Variants in NME7 observed in about 807,000 individuals in gnomAD.
The protein encoded by NME7 is NME/NM23 family member 7.
Under a neutral mutation model 49.1 loss-of-function variants are expected in NME7, and 41 were observed. That is an observed-to-expected ratio of 0.83 (90% CI 0.65 to 1.08). NME7 has a LOEUF of 1.08. Among genes scored for constraint, NME7 ranks in the 50% least tolerant of loss-of-function variants. The probability of loss-of-function intolerance (pLI) is 0.00; values close to 1 mark genes in which losing one functional copy is unlikely to be tolerated. For missense variants in NME7, 423 were observed against 463.4 expected (o/e 0.91, Z 0.80); for synonymous variants, 139 against 150.6 (o/e 0.92, Z 0.56).
chr1:169,213,842 T>C (rs1660900711), intron 10 of NME7, among the ~76,000 whole-genome samples: 2 of 151,106 alleles, frequency 1.3e-5, no homozygotes, highest in African/African-American at 4.8e-5. Flanking sequence ...TATATATATA[T>C]ATACACACAA....
chr1:169,303,131 A>C lies in NME7; in HGVS notation c.440+14T>G. The C allele has an allele frequency of 6.5e-7, 1 of 1,549,364 alleles. No individual in the cohort carries two copies. Reference sequence around the variant, plus strand: ...CTCCTTTACATACCACTAATCCCCAAATTAAGGACCTACTTGAAAAAGGGT... The same window carrying C: ...CTCCTTTACATACCACTAATCCCCACATTAAGGACCTACTTGAAAAAGGGT... On this transcript the variant is annotated intron_variant, in intron 5 of 11. Transcript: ENST00000367811.
intron 7 of NME7, among the ~76,000 whole-genome samples, chr1:169,242,098 A>G (rs1322242990): frequency 1.3e-5 from 2 of 152,044 alleles, no homozygotes; most frequent in South Asian, 2.1e-4. Flanking sequence ...TAAACATAAA[A>G]ATTATTTCCA....
chr1:169,239,514 T>C (rs1412468201), intron 7 of NME7, among the ~76,000 whole-genome samples: 1 of 152,022 alleles, frequency 6.6e-6, no homozygotes, highest in Admixed American at 6.6e-5. Context: ...GACACTGAAT[T>C]ATTTTGGACA....
At chr1:169,315,586 A>C (rs1423351326) in intron 3 of NME7, among the ~76,000 whole-genome samples, 1 of 152,104 alleles carries the variant, frequency 6.6e-6, no homozygotes, top group Non-Finnish European at 1.5e-5. Flanking sequence ...TTTCTAACAC[A>C]CATAGATCAT....
intron 10 of NME7, among the ~76,000 whole-genome samples, chr1:169,197,518 G>T (rs1232666428): frequency 2.0e-5 from 3 of 152,094 alleles, no homozygotes; most frequent in African/African-American, 7.2e-5. Context: ...TAGACATATG[G>T]ATTAATGGAA....
chr1:169,227,910 T>G (rs1187270958), intron 10 of NME7, among the ~76,000 whole-genome samples: 1 of 152,102 alleles, frequency 6.6e-6, no homozygotes, highest in Non-Finnish European at 1.5e-5. Context: ...CCATATTGCA[T>G]GGAAATTAGC....
In NME7 at chr1:169,298,536, A is replaced by T. The variant is rs374607988; in HGVS notation, c.648+20T>A. ...TTAACAGAACTAGAAGAGCATTAAA[A>T]TATTTTTAAAACACCTTACTCTGGC... On this transcript the variant is annotated intron_variant, in intron 6 of 11. Transcript: ENST00000367811. The T allele has an allele frequency of 6.2e-7, 1 of 1,607,788 alleles. No homozygotes were observed. Among genetic ancestry groups the T allele is most frequent in the Admixed American group, 1.7e-5 (1 of 58,658 alleles).
intron 7 of NME7, among the ~76,000 whole-genome samples, chr1:169,249,419 A>C (rs149384789): frequency 6.6e-6 from 1 of 152,178 alleles, no homozygotes; most frequent in African/African-American, 2.4e-5. Flanking sequence ...CAGTCATATT[A>C]TTCATGAACA....
intron 7 of NME7, among the ~76,000 whole-genome samples, chr1:169,276,469 T>G (rs1457425087): frequency 2.2e-5 from 3 of 133,970 alleles, no homozygotes; most frequent in Non-Finnish European, 3.5e-5. Context: ...TCTAGTTTAT[T>G]TGCGTAGAGG....
At chr1:169,362,742 T>G (rs1286561081) in intron 1 of NME7, among the ~76,000 whole-genome samples, 1 of 152,200 alleles carries the variant, frequency 6.6e-6, no homozygotes, top group African/African-American at 2.4e-5. Flanking sequence ...TTCTTAGGCC[T>G]GTTCTTTCTC....
At chr1:169,137,577 G>A (rs146945457) in intron 11 of NME7, among the ~76,000 whole-genome samples, 1 of 152,302 alleles carries the variant, frequency 6.6e-6, no homozygotes, top group Admixed American at 6.5e-5. Context: ...GGGGTGAGGA[G>A]GGGAGGGCTT....
In NME7 at chr1:169,330,076, A is replaced by G. The variant is rs150427969; in HGVS notation, c.4-5576T>C. ...TGAAGGAAAAAAAGACTGTTACCCTATAATAGTATATTTAGTTAAAATATC... is the reference window on the plus strand; with the variant it reads ...TGAAGGAAAAAAAGACTGTTACCCTGTAATAGTATATTTAGTTAAAATATC... On this transcript the variant is annotated intron_variant, in intron 1 of 11. Coordinates refer to ENST00000367811, the MANE Select transcript of NME7 (RefSeq NM_013330.5). Among the ~76,000 whole-genome samples, 410 of 152,256 alleles carry G rather than the reference A, an allele frequency of 2.7e-3. 8 individuals are homozygous for G. Among genetic ancestry groups the G allele is most frequent in the Non-Finnish European group, 2.9e-4 (20 of 68,026 alleles).
chr1:169,342,686 CAT>C lies in NME7; in HGVS notation c.4-18188_4-18187del, dbSNP rs1176978390. Among the ~76,000 whole-genome samples the C allele has an allele frequency of 6.4e-5, 2 of 31,162 alleles. 1 individual carries two copies. The highest frequency in any genetic ancestry group is 2.6e-4 in the African/African-American group (2 of 7,766). 20.4% of individuals were successfully genotyped at this position (31,162 alleles called of 152,430 possible). A position where few individuals can be genotyped will look rare whatever the true frequency, so the allele number is the denominator to read the frequency against. On this transcript the variant is annotated intron_variant, in intron 1 of 11. Transcript: ENST00000367811. The stretch of plus-strand genomic sequence containing the variant: ...TATATAGTATATATATATACAAGTA[CAT>C]ATATATAGTATATATATATACAAGT...
At chr1:169,200,700 C>A (rs1198812665) in intron 10 of NME7, among the ~76,000 whole-genome samples, 1 of 152,124 alleles carries the variant, frequency 6.6e-6, no homozygotes, top group Non-Finnish European at 1.5e-5. Context: ...TCAAACTAGC[C>A]AATCCTGAAC....
chr1:169,265,816 C>G lies in NME7; in HGVS notation c.754+21487G>C, dbSNP rs1484239592. On this transcript the variant is annotated intron_variant, in intron 7 of 11. Coordinates refer to ENST00000367811, the MANE Select transcript of NME7 (RefSeq NM_013330.5). ...CTGACCCCACAGAAATACAAAGAAC[C>G]ATCAGAGACTACTATGAACACCGTT... Among the ~76,000 whole-genome samples, 3 of 131,464 alleles carry G rather than the reference C, an allele frequency of 2.3e-5. 1 individual carries two copies. The highest frequency in any genetic ancestry group is 5.4e-5 in the Non-Finnish European group (3 of 56,064). 86.2% of individuals were successfully genotyped at this position (131,464 alleles called of 152,430 possible).
chr1:169,299,450 T>C (rs891427097), intron 5 of NME7, among the ~76,000 whole-genome samples: 1 of 152,200 alleles, frequency 6.6e-6, no homozygotes, highest in Admixed American at 6.6e-5. Flanking sequence ...TTTCTACTTT[T>C]ATATGTGTAC....
At chr1:169,325,400 G>A (rs76036523) in intron 1 of NME7, among the ~76,000 whole-genome samples, 2,336 of 152,084 alleles carry the variant, frequency 0.015, 44 homozygotes, top group African/African-American at 0.045. Context: ...ACAGCAGCTG[G>A]GACCCTTGGT....
chr1:169,310,207 A>G (rs547308089), intron 3 of NME7, 127 bp from the exon 4 acceptor site: 5 of 591,586 alleles, frequency 8.5e-6, no homozygotes, highest in Non-Finnish European at 1.4e-5. Context: ...TTGTATAGAA[A>G]AGTGTATTAA....
At chr1:169,282,535 G>T (rs1239890562) in intron 7 of NME7, among the ~76,000 whole-genome samples, 2 of 151,970 alleles carry the variant, frequency 1.3e-5, no homozygotes, top group African/African-American at 4.8e-5. Context: ...TTTCAATTTT[G>T]ATGTTAGGGT....
Sources: gnomAD v4.1 joint callset for allele counts (sites outside exome capture counted in the v4.1 genomes callset) on GRCh38, gnomAD v4.1.1 for gene constraint, MANE v1.5 for transcripts, NCBI Gene and HGNC (gene_info 2026-07-23, HGNC 2026-07-21) for gene names.